Variants in SCAPER observed in about 807,000 individuals in gnomAD.
The protein encoded by SCAPER is S-phase cyclin A associated protein in the ER.
SCAPER carries 98 observed loss-of-function variants against 182.2 expected under a neutral mutation model. The observed-to-expected ratio is 0.54, with a 90% CI of 0.46 to 0.64. The LOEUF is 0.64. Ranked by LOEUF, SCAPER falls within the 30% of genes least tolerant of loss-of-function variation. The probability of loss-of-function intolerance (pLI) is 0.00; values close to 1 mark genes in which losing one functional copy is unlikely to be tolerated. For missense variants in SCAPER, 1,432 were observed against 1,690.0 expected (o/e 0.85, Z 2.68); for synonymous variants, 605 against 564.6 (o/e 1.07, Z -1.01).
At chr15:76,846,148 G>A (rs2070058823) in intron 4 of SCAPER, among the ~76,000 whole-genome samples, 1 of 152,144 alleles carries the variant, frequency 6.6e-6, no homozygotes, top group Non-Finnish European at 1.5e-5. Flanking sequence ...TCTGTATGCA[G>A]AAGAATGAAA....
intron 4 of SCAPER, among the ~76,000 whole-genome samples, chr15:76,850,181 T>C (rs906881468): frequency 6.6e-6 from 1 of 152,200 alleles, no homozygotes; most frequent in Non-Finnish European, 1.5e-5. Context: ...ATAAAGACCT[T>C]GCACAAAGCT....
chr15:76,667,622 T>C (rs1474581438), intron 20 of SCAPER, among the ~76,000 whole-genome samples: 2 of 52,748 alleles, frequency 3.8e-5, no homozygotes, highest in Admixed American at 6.5e-4. Context: ...CGAGACTCAG[T>C]CTCAAAAAAA....
chr15:76,349,669 TCAAG>T (rs2040406880), intron 31 of SCAPER: 1 of 135,748 alleles, frequency 7.4e-6, no homozygotes, highest in African/African-American at 2.7e-5. Flanking sequence ...AAAAAAAAAA[TCAAG>T]CAACATATTA....
At chr15:76,597,642 T>C (rs1041302961) in intron 22 of SCAPER, among the ~76,000 whole-genome samples, 3 of 120,002 alleles carry the variant, frequency 2.5e-5, no homozygotes, top group African/African-American at 5.1e-5. Flanking sequence ...TCAGAAATAA[T>C]GCCACACATC....
chr15:76,790,415 A>G (rs1403268517), intron 8 of SCAPER, among the ~76,000 whole-genome samples: 1 of 152,198 alleles, frequency 6.6e-6, no homozygotes, highest in Admixed American at 6.5e-5. Flanking sequence ...ACGTGAAGCC[A>G]TCTTGACCTG....
intron 1 of SCAPER, among the ~76,000 whole-genome samples, chr15:76,901,758 T>C (rs2074802580): frequency 1.3e-5 from 2 of 152,114 alleles, no homozygotes; most frequent in African/African-American, 2.4e-5. Flanking sequence ...CTCGCTCTGT[T>C]GTTCAGGCTG....
At chr15:76,646,682 G>A (rs546611691) in intron 21 of SCAPER, among the ~76,000 whole-genome samples, 11 of 152,140 alleles carry the variant, frequency 7.2e-5, no homozygotes, top group African/African-American at 2.2e-4. Flanking sequence ...GACTCACAGC[G>A]ACTCCTTTTC....
At chr15:76,697,344 C>A (rs537700296) in intron 20 of SCAPER, among the ~76,000 whole-genome samples, 1 of 152,260 alleles carries the variant, frequency 6.6e-6, no homozygotes, top group South Asian at 2.1e-4. Flanking sequence ...TAAGTTAGAA[C>A]TTTAAGAAAA....
intron 24 of SCAPER, among the ~76,000 whole-genome samples, chr15:76,487,260 T>A (rs533274963): frequency 3.4e-5 from 5 of 148,680 alleles, no homozygotes; most frequent in Non-Finnish European, 7.4e-5. Flanking sequence ...GGTGATGAAA[T>A]AATTTGTACT....
chr15:76,497,989 CAAAAAAAAAAAAAAAAAA>C (rs747096625), intron 24 of SCAPER, among the ~76,000 whole-genome samples: 3 of 58,322 alleles, frequency 5.1e-5, no homozygotes, highest in South Asian at 9.8e-4. Flanking sequence ...GACTCCGTCT[CAAAAAAAAAAAAAAAAAA>C]AAAAAAAAAA....
At chr15:76,703,428 T>G (rs898830769) in intron 18 of SCAPER, among the ~76,000 whole-genome samples, 1 of 152,200 alleles carries the variant, frequency 6.6e-6, no homozygotes, top group Non-Finnish European at 1.5e-5. Context: ...ATGGGAAATG[T>G]TAACCTACGG....
chr15:76,688,843 C>CTTTTTTTTTTTTTTTTTTTTT (rs71143353), intron 20 of SCAPER, among the ~76,000 whole-genome samples: 2 of 92,366 alleles, frequency 2.2e-5, no homozygotes, highest in Non-Finnish European at 2.1e-5. Context: ...AAATGCCTCT[C>CTTTTTTTTTTTTTTTTTTTTT]TTTTTTTTTT....
At chr15:76,494,755 G>T (rs1432748497) in intron 24 of SCAPER, among the ~76,000 whole-genome samples, 1 of 151,870 alleles carries the variant, frequency 6.6e-6, no homozygotes, top group East Asian at 1.9e-4. Flanking sequence ...TGATTGATAA[G>T]ATATTCTATC....
chr15:76,812,603 CAT>C (rs1568216846), intron 5 of SCAPER, among the ~76,000 whole-genome samples: 1 of 150,670 alleles, frequency 6.6e-6, no homozygotes, highest in Non-Finnish European at 1.5e-5. Context: ...TCATCGGAAA[CAT>C]AAAGAGGGAC....
intron 15 of SCAPER, among the ~76,000 whole-genome samples, chr15:76,746,080 G>A (rs1354858707): frequency 6.6e-6 from 1 of 152,098 alleles, no homozygotes; most frequent in Non-Finnish European, 1.5e-5. Context: ...CAGATCAATA[G>A]AACAGGGACA....
chr15:76,721,250 A>T (rs1290319578), intron 17 of SCAPER, among the ~76,000 whole-genome samples: 1 of 152,060 alleles, frequency 6.6e-6, no homozygotes, highest in Non-Finnish European at 1.5e-5. Flanking sequence ...ATGCGGCATT[A>T]TTTCTGAGGG....
rs1229467819 is a variant in SCAPER at position 76,574,186 on chromosome 15, C to G, written c.2810G>C (p.Gly937Ala). The G allele has an allele frequency of 6.2e-7, 1 of 1,608,526 alleles. No individual in the cohort carries two copies. The change falls in exon 23 of 32, where the codon GGA becomes GCA. Residue 937 changes from glycine (G) to alanine (A), a missense_variant. Gly to Ala is a moderately conservative substitution (Grantham distance 60). Around this residue, in one of 5 missense-constraint regions of SCAPER, gnomAD observed 718 missense variants for 799.7 expected, o/e 0.90. Coordinates refer to ENST00000563290, the MANE Select transcript of SCAPER (RefSeq NM_020843.4). ...TTTTTCCAGTATTCTAGTGATCTCT[C>G]CTAGGGTCCGATCCAAAGCAGACAC... ...NKVSALDRTL[G>A]EITRILEKEN... is the part of the protein sequence containing the mutation.
chr15:76,756,078 AC>A (rs1799027067), intron 14 of SCAPER, among the ~76,000 whole-genome samples: 1 of 151,922 alleles, frequency 6.6e-6, no homozygotes, highest in Non-Finnish European at 1.5e-5. Context: ...CCTCGTCTCT[AC>A]CAAAAATATA....
intron 8 of SCAPER, among the ~76,000 whole-genome samples, chr15:76,789,262 A>C (rs972789017): frequency 1.3e-5 from 2 of 152,172 alleles, no homozygotes; most frequent in African/African-American, 4.8e-5. Flanking sequence ...CGTAAGATGA[A>C]TCATATAAAA....
Sources: gnomAD v4.1 joint callset for allele counts (sites outside exome capture counted in the v4.1 genomes callset) on GRCh38, gnomAD v4.1.1 for gene constraint, gnomAD v4.1.1 regional missense constraint, MANE v1.5 for transcripts, NCBI Gene and HGNC (gene_info 2026-07-23, HGNC 2026-07-21) for gene names.